RBFOX1: variants seen among roughly 807,000 people sequenced by gnomAD.
The protein encoded by RBFOX1 is RNA binding fox-1 homolog 1.
Under a neutral mutation model 57.7 loss-of-function variants are expected in RBFOX1, and 8 were observed. That is an observed-to-expected ratio of 0.14 (90% CI 0.08 to 0.25). The LOEUF is 0.25. Among genes scored for constraint, RBFOX1 ranks in the 10% least tolerant of loss-of-function variants. The probability of loss-of-function intolerance (pLI) is 1.00; values close to 1 mark genes in which losing one functional copy is unlikely to be tolerated. For synonymous variants in RBFOX1, 326 were observed against 222.4 expected (o/e 1.47, Z -4.15); for missense variants, 611 against 548.5 (o/e 1.11, Z -1.14).
intron 1 of RBFOX1, among the ~76,000 whole-genome samples, chr16:6,077,327 C>A (rs1460494739): frequency 9.2e-6 from 1 of 108,124 alleles, no homozygotes; most frequent in Non-Finnish European, 2.1e-5. Flanking sequence ...TGTTAAAAAA[C>A]AAGTCATATC....
chr16:7,509,957 G>A (rs996852628), intron 4 of RBFOX1, among the ~76,000 whole-genome samples: 2 of 132,966 alleles, frequency 1.5e-5, no homozygotes, highest in African/African-American at 2.9e-5. Context: ...TAATGTGGTC[G>A]AGCAGTGGGT....
intron 2 of RBFOX1, among the ~76,000 whole-genome samples, chr16:6,462,089 G>A (rs2094933422): frequency 6.6e-6 from 1 of 152,110 alleles, no homozygotes; most frequent in Admixed American, 6.6e-5. Flanking sequence ...CAGTTCCAGA[G>A]ACAATTTCAT....
intron 1 of RBFOX1, among the ~76,000 whole-genome samples, chr16:6,202,242 A>T (rs980248775): frequency 1.3e-5 from 2 of 152,184 alleles, no homozygotes; most frequent in African/African-American, 4.8e-5. Context: ...CTGTGTCTCT[A>T]CTGTTCTCTT....
intron 1 of RBFOX1, among the ~76,000 whole-genome samples, chr16:6,209,301 G>A (rs1434423824): frequency 1.3e-5 from 2 of 152,216 alleles, no homozygotes; most frequent in African/African-American, 4.8e-5. Context: ...GTCTTTAGCA[G>A]TTGGGGTTAC....
At chr16:6,405,001 A>C (rs1169467776) in intron 2 of RBFOX1, among the ~76,000 whole-genome samples, 2 of 152,318 alleles carry the variant, frequency 1.3e-5, no homozygotes, top group East Asian at 3.9e-4. Flanking sequence ...CTAATTCTAG[A>C]TAGAGTCTTA....
At chr16:7,312,593 C>G (rs555751443) in intron 4 of RBFOX1, among the ~76,000 whole-genome samples, 5 of 152,130 alleles carry the variant, frequency 3.3e-5, no homozygotes, top group African/African-American at 1.2e-4. Context: ...GAGCTCTTCT[C>G]TTTCTTCCTC....
At chr16:6,822,594 C>T (rs1443149778) in intron 3 of RBFOX1, among the ~76,000 whole-genome samples, 1 of 152,156 alleles carries the variant, frequency 6.6e-6, no homozygotes, top group Non-Finnish European at 1.5e-5. Flanking sequence ...ATTTTATTTC[C>T]CATCACAATC....
intron 1 of RBFOX1, among the ~76,000 whole-genome samples, chr16:5,309,459 A>T (rs1044594067): frequency 6.6e-6 from 1 of 152,222 alleles, no homozygotes; most frequent in Non-Finnish European, 1.5e-5. Context: ...AGAGGTTCAT[A>T]ATGCCATGCC....
At chr16:6,822,438 CTT>C (rs1161277056) in intron 3 of RBFOX1, among the ~76,000 whole-genome samples, 2 of 152,196 alleles carry the variant, frequency 1.3e-5, no homozygotes, top group African/African-American at 4.8e-5. Context: ...TCATTGCTAA[CTT>C]GTAACTTGGA....
In RBFOX1 at chr16:6,362,108, T is replaced by G. The variant is rs1341564556; in HGVS notation, c.-64+45051T>G. Reference sequence around the variant, plus strand: ...GCAATTATAACACATGACCTTTCATTAAAAGCATGACAGAATCATTTTCAT... The same window carrying G: ...GCAATTATAACACATGACCTTTCATGAAAAGCATGACAGAATCATTTTCAT... On this transcript the variant is annotated intron_variant, in intron 2 of 15. Transcript: ENST00000550418. Among the ~76,000 whole-genome samples, 6 of 152,112 alleles carry G rather than the reference T, an allele frequency of 3.9e-5. 1 individual carries two copies. Among genetic ancestry groups the G allele is most frequent in the Non-Finnish European group, 2.9e-5 (2 of 68,018 alleles).
intron 4 of RBFOX1, among the ~76,000 whole-genome samples, chr16:7,313,821 G>A (rs577003428): frequency 2.0e-5 from 3 of 152,054 alleles, no homozygotes. Context: ...CCCCAGAACC[G>A]ACACTTAGAA....
At chr16:5,845,261 C>T (rs2056726076) in intron 3 of RBFOX1, among the ~76,000 whole-genome samples, 2 of 152,204 alleles carry the variant, frequency 1.3e-5, no homozygotes, top group Admixed American at 6.5e-5. Flanking sequence ...GTTTACAAAG[C>T]ATTTCCACCA....
chr16:5,834,687 G>GTAGATAGATAGATAGA (rs151197873), intron 3 of RBFOX1, among the ~76,000 whole-genome samples: 4,268 of 134,812 alleles, frequency 0.032, 117 homozygotes, highest in Non-Finnish European at 0.04. Flanking sequence ...AATGGGATAG[G>GTAGATAGATAGATAGA]TAGATAGATA....
intron 1 of RBFOX1, among the ~76,000 whole-genome samples, chr16:6,305,215 C>T (rs1489970070): frequency 2.0e-5 from 3 of 152,210 alleles, no homozygotes; most frequent in Non-Finnish European, 4.4e-5. Context: ...AAATATAGCA[C>T]AACTGCCATT....
chr16:7,387,583 C>T (rs2097906013), intron 4 of RBFOX1, among the ~76,000 whole-genome samples: 1 of 152,128 alleles, frequency 6.6e-6, no homozygotes, highest in African/African-American at 2.4e-5. Flanking sequence ...ATCCATACGC[C>T]TTCAGAGAGG....
intron 2 of RBFOX1, among the ~76,000 whole-genome samples, chr16:6,615,923 C>A (rs758452684): frequency 1.3e-5 from 2 of 152,306 alleles, no homozygotes; most frequent in African/African-American, 4.8e-5. Context: ...TAACCTCCCT[C>A]GGTGCAGAAA....
chr16:6,777,581 A>G (rs1483731502), intron 3 of RBFOX1, among the ~76,000 whole-genome samples: 1 of 152,076 alleles, frequency 6.6e-6, no homozygotes. Flanking sequence ...CTGTCAGATT[A>G]GGGGGGAAAG....
At chr16:7,408,929 G>A (rs975196096) in intron 4 of RBFOX1, among the ~76,000 whole-genome samples, 5 of 152,190 alleles carry the variant, frequency 3.3e-5, no homozygotes, top group African/African-American at 4.8e-5. Flanking sequence ...CACCTTTCAT[G>A]TAAATCATTG....
chr16:6,031,461 A>G (rs2095288107), intron 1 of RBFOX1, among the ~76,000 whole-genome samples: 2 of 152,320 alleles, frequency 1.3e-5, no homozygotes, highest in Non-Finnish European at 1.5e-5. Context: ...AAGCATATTC[A>G]AGATAGGTGC....
Sources: allele counts gnomAD v4.1 joint callset (sites outside exome capture counted in the v4.1 genomes callset), GRCh38; gene constraint gnomAD v4.1.1; transcripts MANE v1.5; gene names NCBI Gene and HGNC (gene_info 2026-07-23, HGNC 2026-07-21).